The following TASP1 variants were observed in gnomAD, a reference collection of about 807,000 sequenced individuals.
The protein encoded by TASP1 is threonine aspartase 1.
TASP1 carries 16 observed loss-of-function variants against 56.6 expected under a neutral mutation model. The ratio of observed to expected loss-of-function variants is 0.28; its 90% CI spans 0.19 to 0.43. TASP1 has a LOEUF of 0.43. Among genes scored for constraint, TASP1 ranks in the 20% least tolerant of loss-of-function variants. The pLI is 1.00. For missense variants in TASP1, 393 were observed against 511.6 expected, an observed-to-expected ratio of 0.77 and a Z score of 2.24; for synonymous variants, 179 against 184.2, an observed-to-expected ratio of 0.97 and a Z score of 0.23.
the TASP1 span, among the ~76,000 whole-genome samples, chr20:13,208,167 C>A: frequency 1.2e-4 from 19 of 152,208 alleles, no homozygotes; most frequent in African/African-American, 4.6e-4. Context: ...ACTTCCTATG[C>A]CATAAGACGA....
At chr20:13,409,685 T>C (rs1200015597) in intron 13 of TASP1, among the ~76,000 whole-genome samples, 1 of 152,124 alleles carries the variant, frequency 6.6e-6, no homozygotes, top group Non-Finnish European at 1.5e-5. Flanking sequence ...TCAACTGACA[T>C]ACTAATCATT....
At chr20:13,210,025 T>C in the TASP1 span, among the ~76,000 whole-genome samples, 1 of 152,188 alleles carries the variant, frequency 6.6e-6, no homozygotes, top group Non-Finnish European at 1.5e-5. Flanking sequence ...CCATAAGCAA[T>C]ATGCCGAACT....
At chr20:13,323,267 A>AGG in the TASP1 span, among the ~76,000 whole-genome samples, 4 of 152,194 alleles carry the variant, frequency 2.6e-5, no homozygotes, top group Non-Finnish European at 5.9e-5. Flanking sequence ...AAGAAAAGAC[A>AGG]GGGGCTTGAG....
the TASP1 span, among the ~76,000 whole-genome samples, chr20:13,245,949 G>A: frequency 6.6e-6 from 1 of 152,182 alleles, no homozygotes. Flanking sequence ...CTTTCCGGTT[G>A]CAAAAATTCT....
At chr20:13,158,457 G>GCAGA in the TASP1 span, among the ~76,000 whole-genome samples, 2 of 152,178 alleles carry the variant, frequency 1.3e-5, no homozygotes, top group Admixed American at 1.3e-4. Flanking sequence ...AGAGAAACAT[G>GCAGA]CAGACAGTGA....
At chr20:13,484,367 T>C (rs1403730243) in intron 10 of TASP1, among the ~76,000 whole-genome samples, 1 of 152,210 alleles carries the variant, frequency 6.6e-6, no homozygotes, top group Non-Finnish European at 1.5e-5. Context: ...CGTATGTTTC[T>C]AGCAGCACTC....
intron 11 of TASP1, among the ~76,000 whole-genome samples, chr20:13,481,549 G>T (rs564684845): frequency 6.6e-6 from 1 of 152,184 alleles, no homozygotes; most frequent in South Asian, 2.1e-4. Flanking sequence ...CAGTGTACCA[G>T]CATTCTCTTT....
At chr20:13,353,054 T>A in the TASP1 span, among the ~76,000 whole-genome samples, 1 of 152,078 alleles carries the variant, frequency 6.6e-6, no homozygotes, top group African/African-American at 2.4e-5. Context: ...CTGAGCAACA[T>A]AGCAAGATGC....
intron 11 of TASP1, among the ~76,000 whole-genome samples, chr20:13,451,077 A>G (rs1480248329): frequency 2.0e-5 from 3 of 152,106 alleles, no homozygotes; most frequent in African/African-American, 7.2e-5. Context: ...TCATAGAACA[A>G]AACTATTTTG....
chr20:13,288,308 C>T, the TASP1 span, among the ~76,000 whole-genome samples: 1 of 152,134 alleles, frequency 6.6e-6, no homozygotes, highest in Non-Finnish European at 1.5e-5. Context: ...TTCTGGGCAC[C>T]TTCTAGGGAT....
intron 11 of TASP1, among the ~76,000 whole-genome samples, chr20:13,440,306 G>A (rs1311698826): frequency 6.6e-6 from 1 of 152,174 alleles, no homozygotes; most frequent in African/African-American, 2.4e-5. Context: ...GAATGAAGAA[G>A]GGAGGTAAAT....
At chr20:13,380,736 T>C in the TASP1 span, among the ~76,000 whole-genome samples, 101 of 152,308 alleles carry the variant, frequency 6.6e-4, 1 homozygote, top group Non-Finnish European at 1.1e-3. Context: ...TATAAGCCCC[T>C]GACTGGGGCT....
At chr20:13,273,310 T>C in the TASP1 span, among the ~76,000 whole-genome samples, 47,043 of 150,544 alleles carry the variant, frequency 0.31, 7,388 homozygotes, top group Middle Eastern at 0.37. Context: ...TCATGGCTTG[T>C]TGAGGCCTTG....
At chr20:13,238,319 A>G in the TASP1 span, among the ~76,000 whole-genome samples, 3 of 152,160 alleles carry the variant, frequency 2.0e-5, no homozygotes, top group African/African-American at 7.2e-5. Flanking sequence ...AGTTCTTGAG[A>G]AGGTCATTAA....
At chr20:13,192,309 G>T in the TASP1 span, among the ~76,000 whole-genome samples, 4 of 152,264 alleles carry the variant, frequency 2.6e-5, no homozygotes, top group South Asian at 8.3e-4. Flanking sequence ...GGCCAGAGAG[G>T]GTGGATAGCT....
chr20:13,189,558 CA>C, the TASP1 span, among the ~76,000 whole-genome samples: 26 of 152,232 alleles, frequency 1.7e-4, 1 homozygote, highest in Admixed American at 1.4e-3. Context: ...AAAAAACGCT[CA>C]ACATCACTAA....
chr20:13,300,136 C>T, the TASP1 span: 8 of 152,036 alleles, frequency 5.3e-5, no homozygotes, highest in African/African-American at 1.2e-4. Context: ...AGGGACAAAG[C>T]TGAGGACTGG....
At chr20:13,155,405 T>C in the TASP1 span, among the ~76,000 whole-genome samples, 37 of 152,238 alleles carry the variant, frequency 2.4e-4, no homozygotes, top group Admixed American at 2.2e-3. Flanking sequence ...AAAGTACCAA[T>C]AAAAGAGGTT....
rs2041224393 is a variant in TASP1 at position 13,390,303 on chromosome 20, C to A, written c.*57G>T. 1 of 1,509,512 alleles carries A rather than the reference C, an allele frequency of 6.6e-7. No individual in the cohort carries two copies. The highest frequency in any genetic ancestry group is 1.7e-5 in the Admixed American group (1 of 57,360). The allele number at this position is 1,509,512 out of a possible 1,614,324, so 93.5% of individuals were successfully genotyped here. A position where few individuals can be genotyped will look rare whatever the true frequency, so the allele number is the denominator to read the frequency against. On this transcript the variant is annotated 3_prime_UTR_variant, in exon 14 of 14. Transcript: ENST00000337743. ...AAAACAACCAACTTCAGTTAAAAAC[C>A]CCCAAAAGCTCAGGTTCTGAAATGC...
Sources: allele counts gnomAD v4.1 joint callset (sites outside exome capture counted in the v4.1 genomes callset), GRCh38; gene constraint gnomAD v4.1.1; transcripts MANE v1.5; gene names NCBI Gene and HGNC (gene_info 2026-07-23, HGNC 2026-07-21).